Variants in TF observed in about 807,000 individuals in gnomAD.
The protein encoded by TF is serotransferrin.
A neutral mutation model predicts 82.4 loss-of-function variants in TF; 55 were observed. That is an observed-to-expected ratio of 0.67 (90% confidence interval 0.54 to 0.84). The LOEUF (loss-of-function observed/expected upper bound fraction) is 0.84. Ranked by LOEUF, TF falls within the 40% of genes least tolerant of loss-of-function variation. The probability of loss-of-function intolerance (pLI) is 0.00; values close to 1 mark genes in which losing one functional copy is unlikely to be tolerated. For missense variants in TF, 737 were observed against 868.4 expected (o/e 0.85, Z 1.90); for synonymous variants, 332 against 332.6 (o/e 1.00, Z 0.02).
the TF span, among the ~76,000 whole-genome samples, chr3:133,727,024 A>G: frequency 6.6e-6 from 1 of 152,080 alleles, no homozygotes; most frequent in Non-Finnish European, 1.5e-5. Flanking sequence ...TCTGAGAGAC[A>G]GTTTGTTATA....
In TF at chr3:133,757,859, T is replaced by C; in HGVS notation, c.961T>C (p.Phe321Leu). The change falls in exon 8 of 17, where the codon TTT becomes CTT. Residue 321 changes from phenylalanine (F) to leucine (L), a missense_variant. By Grantham distance (22) the Phe-to-Leu change is conservative. Transcript: ENST00000402696. ...DLLFKDSAHG[F>L]LKVPPRMDAK... is the part of the protein sequence containing the mutation. Reference sequence around the variant, plus strand: ...GCTGTTTAAGGACTCTGCCCACGGGTTTTTAAAAGTCCCCCCCAGGATGGA... The same window carrying C: ...GCTGTTTAAGGACTCTGCCCACGGGCTTTTAAAAGTCCCCCCCAGGATGGA... 4 of 1,613,976 alleles carry C rather than the reference T, an allele frequency of 2.5e-6. No homozygotes were observed. The highest frequency in any genetic ancestry group is 3.4e-6 in the Non-Finnish European group (4 of 1,179,988).
At chr3:133,722,689 A>G in the TF span, among the ~76,000 whole-genome samples, 1 of 152,240 alleles carries the variant, frequency 6.6e-6, no homozygotes, top group East Asian at 1.9e-4. Flanking sequence ...TCCCACAGTT[A>G]ATATTTTTGT....
intron 7 of TF, 137 bp from the exon 8 acceptor site, chr3:133,757,632 A>C (rs1309704933): frequency 3.8e-6 from 3 of 788,100 alleles, no homozygotes; most frequent in Non-Finnish European, 6.4e-6. Flanking sequence ...GAGCAGGAGC[A>C]GGTCCGACTG....
intron 8 of TF, 147 bp downstream of exon 8, chr3:133,758,093 T>G: frequency 1.4e-6 from 1 of 714,674 alleles, no homozygotes; most frequent in South Asian, 1.9e-5. Flanking sequence ...GTTAGACTGA[T>G]GCTGAATGGC....
chr3:133,759,141 C>A, intron 8 of TF, 34 bp from the exon 9 acceptor site: 4 of 1,613,620 alleles, frequency 2.5e-6, no homozygotes, highest in Non-Finnish European at 3.4e-6. Flanking sequence ...CAGCTAGGGC[C>A]GCTTCTGATC....
intron 14 of TF, chr3:133,774,991 T>G (rs907709201): frequency 2.9e-6 from 1 of 339,652 alleles, no homozygotes; most frequent in Admixed American, 4.1e-5. Context: ...GATTTAAAAT[T>G]CTGGTGCAGA....
In TF at chr3:133,792,929, C is replaced by A. The variant is rs538038640; in HGVS notation, c.*14309C>A. ...AACAGGGTTTTCTTAAAGCACCGAT[C>A]TGCTCTTTAACAAACATTTGTAAAG... On this transcript the variant is annotated 3_prime_UTR_variant, in exon 17 of 17. Transcript: ENST00000402696. The A allele has an allele frequency of 6.6e-6, 1 of 152,246 alleles. No homozygotes were observed. The highest frequency in any genetic ancestry group is 1.9e-4 in the East Asian group (1 of 5,188). 9.4% of individuals were successfully genotyped at this position (152,246 alleles called of 1,614,324 possible).
the TF span, among the ~76,000 whole-genome samples, chr3:133,727,208 C>T: frequency 2.0e-5 from 3 of 151,794 alleles, no homozygotes; most frequent in East Asian, 5.8e-4. Context: ...CCTGGGTATC[C>T]TTGTTAACTT....
the TF span, among the ~76,000 whole-genome samples, chr3:133,684,555 A>G: frequency 6.6e-6 from 1 of 152,240 alleles, no homozygotes; most frequent in African/African-American, 2.4e-5. Flanking sequence ...ACAAACTACC[A>G]TCAGAGAATA....
intron 7 of TF, among the ~76,000 whole-genome samples, chr3:133,757,561 C>G (rs930813693): frequency 6.6e-6 from 1 of 152,228 alleles, no homozygotes; most frequent in African/African-American, 2.4e-5. Flanking sequence ...GAGACAGGCA[C>G]AGAAGCAGGT....
rs983254346 is a variant in TF, at chr3:133,788,596, G to A, written c.*9976G>A. On this transcript the variant is annotated 3_prime_UTR_variant, in exon 17 of 17. Transcript: ENST00000402696. ...GCCAGGAGGTAAGCCCAAAGTTTGG[G>A]ATTTTTCATCTTTTCTTTTCCACTC... is the stretch of plus-strand genomic sequence containing the variant. The A allele has an allele frequency of 6.6e-6, 1 of 152,182 alleles. No individual in the cohort carries two copies. Among genetic ancestry groups the A allele is most frequent in the Non-Finnish European group, 1.5e-5 (1 of 68,056 alleles). 9.4% of individuals were successfully genotyped at this position (152,182 alleles called of 1,614,324 possible).
chr3:133,712,335 T>C, the TF span, among the ~76,000 whole-genome samples: 1,043 of 152,206 alleles, frequency 6.9e-3, 11 homozygotes, highest in African/African-American at 0.024. Context: ...CCAGAAAACA[T>C]GTGCTCCGGG....
chr3:133,753,096 C>A (rs554080439), intron 2 of TF, among the ~76,000 whole-genome samples: 1 of 152,134 alleles, frequency 6.6e-6, no homozygotes, highest in Admixed American at 6.5e-5. Context: ...AGGAAGACCT[C>A]AAAGGAAGTC....
the TF span, among the ~76,000 whole-genome samples, chr3:133,697,880 C>T: frequency 6.6e-6 from 1 of 152,234 alleles, no homozygotes; most frequent in South Asian, 2.1e-4. Flanking sequence ...ACCCCAAAGA[C>T]CATCTGATGC....
chr3:133,695,350 C>T, the TF span, among the ~76,000 whole-genome samples: 7,102 of 149,796 alleles, frequency 0.047, 587 homozygotes, highest in African/African-American at 0.16. Context: ...TGGGTTCAAG[C>T]GATTCTCCTG....
chr3:133,739,138 A>G, the TF span, among the ~76,000 whole-genome samples: 194 of 152,340 alleles, frequency 1.3e-3, no homozygotes, highest in African/African-American at 4.6e-3. Flanking sequence ...GGAACAGAAC[A>G]GAGGCCTCAA....
chr3:133,668,669 C>A, the TF span, among the ~76,000 whole-genome samples: 39 of 152,312 alleles, frequency 2.6e-4, no homozygotes, highest in Admixed American at 2.2e-3. Flanking sequence ...TACCCCCTCA[C>A]CCTTAGCACT....
the TF span, among the ~76,000 whole-genome samples, chr3:133,733,742 C>G: frequency 6.6e-6 from 1 of 152,306 alleles, no homozygotes; most frequent in Admixed American, 6.5e-5. Context: ...TTCCTCCATT[C>G]TGCACACAAT....
intron 14 of TF, 52 bp from the exon 15 acceptor site, chr3:133,775,381 C>A (rs41296596): frequency 1.9e-6 from 3 of 1,594,126 alleles, no homozygotes; most frequent in East Asian, 2.2e-5. Flanking sequence ...ATCTCCCCAG[C>A]GGGGCACCTT....
Sources: gnomAD v4.1 joint callset for allele counts (sites outside exome capture counted in the v4.1 genomes callset) on GRCh38, gnomAD v4.1.1 for gene constraint, MANE v1.5 for transcripts, NCBI Gene and HGNC (gene_info 2026-07-23, HGNC 2026-07-21) for gene names.